SMIM17: variants seen among roughly 807,000 people sequenced by gnomAD.
The protein encoded by SMIM17 is small integral membrane protein 17.
SMIM17 carries 10 observed loss-of-function variants against 12.2 expected under a neutral mutation model. The observed-to-expected ratio is 0.82, with a 90% CI of 0.50 to 1.39. SMIM17 has a LOEUF of 1.39. SMIM17 is among the 40% of genes most tolerant of loss of function. The pLI is 0.00. For synonymous variants in SMIM17, 50 were observed against 44.1 expected (o/e 1.13, Z -0.53); for missense variants, 136 against 118.2 (o/e 1.15, Z -0.70).
intron 1 of SMIM17, among the ~76,000 whole-genome samples, chr19:56,644,586 T>C (rs1430913197): frequency 2.0e-5 from 3 of 152,234 alleles, no homozygotes; most frequent in African/African-American, 7.2e-5. Context: ...CTGAGTTGCA[T>C]GGTGCAGCTT....
chr19:56,645,875 G>C lies in SMIM17; in HGVS notation c.169+39G>C, dbSNP rs1198623696. ...GTCCTTTGGGAGGTGAGTGGGTGGA[G>C]AGGAAGGAATTGGCAGAGCCTAGGG... On this transcript the variant is annotated intron_variant, in intron 2 of 3. Transcript: ENST00000598409. The C allele has an allele frequency of 6.7e-6, 10 of 1,499,512 alleles. No individual in the cohort carries two copies. The East Asian group carries it at 1.3e-4, about 19-fold the overall frequency. 92.9% of individuals were successfully genotyped at this position (1,499,512 alleles called of 1,614,324 possible).
At chr19:56,646,129 C>T (rs184828670) in intron 2 of SMIM17, among the ~76,000 whole-genome samples, 30 of 152,254 alleles carry the variant, frequency 2.0e-4, no homozygotes, top group East Asian at 5.8e-4. Context: ...GGCCACTGGT[C>T]GATCTCAGAT....
Position 56,656,556 on chromosome 19 carries a change from A to C in SMIM17, c.*1343A>C, listed in dbSNP as rs2045153665. 6.6e-6 allele frequency among the ~76,000 whole-genome samples: 1 copy of C among 152,062 alleles called. No homozygotes were observed. Among genetic ancestry groups the C allele is most frequent in the Non-Finnish European group, 1.5e-5 (1 of 68,004 alleles). Reference sequence around the variant, plus strand: ...TTTTCTTCTTTGTCTCAGTTTTTATACTGAATACTTGATTTATATTCTCTT... The same window carrying C: ...TTTTCTTCTTTGTCTCAGTTTTTATCCTGAATACTTGATTTATATTCTCTT... On this transcript the variant is annotated 3_prime_UTR_variant, in exon 4 of 4. Coordinates refer to ENST00000598409, the MANE Select transcript of SMIM17 (RefSeq NM_001193628.2).
rs1287152854 is a variant in SMIM17 at position 56,643,848 on chromosome 19, G to A, written c.-101+638G>A. On this transcript the variant is annotated intron_variant, in intron 1 of 3. Transcript: ENST00000598409. ...AAAAGGGATTCGCAGGGCTCAGCAG[G>A]GCTGGGCACAAGGAGAGTTCTGGGC... Among the ~76,000 whole-genome samples the A allele has an allele frequency of 2.6e-5, 4 of 152,196 alleles. No individual in the cohort carries two copies. The East Asian group carries it at 7.7e-4, about 29-fold the overall frequency.
chr19:56,652,671 AAG>A (rs112526874), intron 3 of SMIM17, among the ~76,000 whole-genome samples: 4 of 150,264 alleles, frequency 2.7e-5, no homozygotes, highest in Non-Finnish European at 4.4e-5. Flanking sequence ...AGAAAAAAAA[AAG>A]AGAGAGAGAG....
chr19:56,650,995 T>C (rs1183973377), intron 3 of SMIM17, among the ~76,000 whole-genome samples: 1 of 152,156 alleles, frequency 6.6e-6, no homozygotes, highest in Admixed American at 6.5e-5. Context: ...GGGCCTCTCA[T>C]TGGCAGGCCC....
chr19:56,654,036 T>G (rs1600622367), intron 3 of SMIM17, among the ~76,000 whole-genome samples: 1 of 152,230 alleles, frequency 6.6e-6, no homozygotes, highest in East Asian at 1.9e-4. Context: ...AAACATTTTG[T>G]CTTCTCATCT....
intron 3 of SMIM17, among the ~76,000 whole-genome samples, chr19:56,650,947 A>G (rs1276454805): frequency 6.6e-6 from 1 of 151,844 alleles, no homozygotes; most frequent in Non-Finnish European, 1.5e-5. Flanking sequence ...TCCTTGAGCC[A>G]GCATTGATGG....
chr19:56,650,971 G>A (rs2045104620), intron 3 of SMIM17, among the ~76,000 whole-genome samples: 1 of 152,184 alleles, frequency 6.6e-6, no homozygotes, highest in Non-Finnish European at 1.5e-5. Flanking sequence ...ACACACCAGG[G>A]GGCTGATAGG....
rs1250109544 is a variant in SMIM17, at chr19:56,655,264, C to T, written c.*51C>T. On this transcript the variant is annotated 3_prime_UTR_variant, in exon 4 of 4. Transcript: ENST00000598409. The stretch of plus-strand genomic sequence containing the variant: ...AGTTTAATTTAATGAAATAGATGCC[C>T]TATGTCATGTTAAGGAATTGTGCTA... 6 of 677,072 alleles carry T rather than the reference C, an allele frequency of 8.9e-6. No individual in the cohort carries two copies. The East Asian group carries it at 1.6e-4, about 18-fold the overall frequency. 41.9% of individuals were successfully genotyped at this position (677,072 alleles called of 1,614,324 possible). A position where few individuals can be genotyped will look rare whatever the true frequency, so the allele number is the denominator to read the frequency against.
chr19:56,651,857 A>G (rs1443860923), intron 3 of SMIM17, among the ~76,000 whole-genome samples: 1 of 152,060 alleles, frequency 6.6e-6, no homozygotes, highest in Non-Finnish European at 1.5e-5. Context: ...TAATCGCAGC[A>G]CTTTGGGAGG....
chr19:56,649,416 C>T (rs1184663706), intron 3 of SMIM17, among the ~76,000 whole-genome samples: 1 of 152,074 alleles, frequency 6.6e-6, no homozygotes, highest in Non-Finnish European at 1.5e-5. Flanking sequence ...CTCACAGTCA[C>T]CGAGGTAGAC....
At chr19:56,653,895 A>AT (rs1342734030) in intron 3 of SMIM17, among the ~76,000 whole-genome samples, 4 of 152,180 alleles carry the variant, frequency 2.6e-5, no homozygotes, top group South Asian at 4.1e-4. Flanking sequence ...TTTTCACAGG[A>AT]TTTTTTTCAG....
intron 3 of SMIM17, among the ~76,000 whole-genome samples, chr19:56,653,859 G>A (rs1237255237): frequency 1.3e-5 from 2 of 152,164 alleles, no homozygotes; most frequent in South Asian, 4.1e-4. Flanking sequence ...TTAATAATTC[G>A]TAGTCTGTGT....
intron 3 of SMIM17, among the ~76,000 whole-genome samples, chr19:56,653,768 C>T (rs7259998): frequency 0.019 from 2,959 of 152,216 alleles, 78 homozygotes; most frequent in African/African-American, 0.062. Context: ...AGGTGTCATC[C>T]AGAGGGAATC....
At chr19:56,647,256 A>C (rs1366356888) in intron 2 of SMIM17, among the ~76,000 whole-genome samples, 1 of 152,110 alleles carries the variant, frequency 6.6e-6, no homozygotes, top group Non-Finnish European at 1.5e-5. Flanking sequence ...GTGGCAGGGC[A>C]CATCAGGTGA....
In SMIM17 at chr19:56,655,992, C is replaced by A. The variant is rs1333579450; in HGVS notation, c.*779C>A. ...TTTGAGACCGAGTCTCACTCTGTCA[C>A]CCAGTCTGGAGTGCAGTGGCGCCAT... On this transcript the variant is annotated 3_prime_UTR_variant, in exon 4 of 4. Transcript: ENST00000598409. Among the ~76,000 whole-genome samples, 5 of 146,434 alleles carry A rather than the reference C, an allele frequency of 3.4e-5. No homozygotes were observed. Among genetic ancestry groups the A allele is most frequent in the African/African-American group, 1.3e-4 (5 of 39,940 alleles).
chr19:56,648,408 TC>T (rs1241228070), intron 3 of SMIM17, among the ~76,000 whole-genome samples: 87 of 150,864 alleles, frequency 5.8e-4, no homozygotes, highest in Middle Eastern at 3.4e-3. Flanking sequence ...CATCCATCCA[TC>T]CACCCATTCA....
intron 3 of SMIM17, among the ~76,000 whole-genome samples, chr19:56,651,799 A>G (rs952617497): frequency 6.6e-6 from 1 of 151,936 alleles, no homozygotes; most frequent in Non-Finnish European, 1.5e-5. Flanking sequence ...TCTACATTCC[A>G]CTTCAACAGA....
Sources: gnomAD v4.1 joint callset for allele counts (sites outside exome capture counted in the v4.1 genomes callset) on GRCh38, gnomAD v4.1.1 for gene constraint, MANE v1.5 for transcripts, NCBI Gene and HGNC (gene_info 2026-07-23, HGNC 2026-07-21) for gene names.